NEK1: variants seen among roughly 807,000 people sequenced by gnomAD.
NEK1 encodes NIMA related kinase 1.
NEK1 carries 137 observed loss-of-function variants against 182.1 expected under a neutral mutation model. That is an observed-to-expected ratio of 0.75 (90% CI 0.65 to 0.87). The LOEUF is 0.87. Among genes scored for constraint, NEK1 ranks in the 40% least tolerant of loss-of-function variants. The pLI is 0.00. For synonymous variants in NEK1, 513 were observed against 492.2 expected, an observed-to-expected ratio of 1.04 and a Z score of -0.56; for missense variants, 1,391 against 1,494.4, an observed-to-expected ratio of 0.93 and a Z score of 1.14.
At chr4:169,411,378 G>A (rs1487526200) in intron 31 of NEK1, among the ~76,000 whole-genome samples, 1 of 151,688 alleles carries the variant, frequency 6.6e-6, no homozygotes, top group Non-Finnish European at 1.5e-5. Flanking sequence ...CCAGGCTGGA[G>A]TGCAATGATG....
chr4:169,474,850 C>T (rs1222880677), intron 26 of NEK1, among the ~76,000 whole-genome samples: 1 of 152,108 alleles, frequency 6.6e-6, no homozygotes, highest in Admixed American at 6.6e-5. Context: ...TAACTTCTGC[C>T]TAGATTAGTG....
chr4:169,491,998 T>C (rs975830533), intron 23 of NEK1, among the ~76,000 whole-genome samples: 2 of 152,014 alleles, frequency 1.3e-5, no homozygotes, highest in Non-Finnish European at 2.9e-5. Flanking sequence ...AAAACTACAG[T>C]AGATACACAA....
intron 35 of NEK1, among the ~76,000 whole-genome samples, chr4:169,397,867 T>A (rs1428870141): frequency 1.3e-5 from 2 of 152,228 alleles, no homozygotes; most frequent in Non-Finnish European, 2.9e-5. Context: ...AGATACTTGT[T>A]GAGCAAAACT....
At chr4:169,564,105 A>T (rs547343331) in intron 12 of NEK1, among the ~76,000 whole-genome samples, 2 of 152,242 alleles carry the variant, frequency 1.3e-5, no homozygotes, top group East Asian at 3.9e-4. Context: ...TGTATGATCA[A>T]TTTTTCAAAC....
chr4:169,396,614 G>A (rs188113738), intron 35 of NEK1, among the ~76,000 whole-genome samples: 11 of 152,052 alleles, frequency 7.2e-5, no homozygotes, highest in East Asian at 1.9e-4. Context: ...CTTTATCAAC[G>A]GCTGAAGATA....
chr4:169,400,322 A>G lies in NEK1; in HGVS notation c.3750T>C (p.Ile1250=), dbSNP rs886059225. The change falls in exon 35 of 36, where the codon ATT becomes ATC. Residue 1250 remains isoleucine (I), a synonymous_variant. Transcript: ENST00000507142. ...AAATATTTTGAACTATTTTTGAACA[A>G]ATTTCAATATTTTCATCTTCATCTT... ...IHEDEDENIE[I]CSKIVQNILG... The G allele has an allele frequency of 8.3e-5, 128 of 1,536,420 alleles. No individual in the cohort carries two copies. The highest frequency in any genetic ancestry group is 1.1e-4 in the Non-Finnish European group (124 of 1,135,472).
intron 18 of NEK1, among the ~76,000 whole-genome samples, chr4:169,552,283 A>G (rs2149891200): frequency 6.6e-6 from 1 of 152,192 alleles, no homozygotes; most frequent in South Asian, 2.1e-4. Context: ...CAGCTGTTTC[A>G]ACATCTGAAG....
chr4:169,597,628 C>T (rs1769745777), intron 5 of NEK1, among the ~76,000 whole-genome samples: 1 of 151,600 alleles, frequency 6.6e-6, no homozygotes, highest in Non-Finnish European at 1.5e-5. Context: ...AGAGCGAGAG[C>T]CTATCTTAAA....
chr4:169,609,148 T>TA (rs1771895225), intron 2 of NEK1, among the ~76,000 whole-genome samples: 1 of 151,996 alleles, frequency 6.6e-6, no homozygotes, highest in South Asian at 2.1e-4. Context: ...ACAATTTTTT[T>TA]AAAAAAGCAC....
intron 30 of NEK1, among the ~76,000 whole-genome samples, chr4:169,425,444 A>G (rs74677694): frequency 8.1e-6 from 1 of 123,874 alleles, no homozygotes; most frequent in East Asian, 2.1e-4. Flanking sequence ...AACAAAATGA[A>G]AAAAAAAAAA....
chr4:169,455,775 G>A lies in NEK1; in HGVS notation c.2587+7468C>T, dbSNP rs114462980. Among the ~76,000 whole-genome samples, 1,390 of 151,934 alleles carry A rather than the reference G, an allele frequency of 9.1e-3. 25 individuals carry two copies. Among genetic ancestry groups the A allele is most frequent in the African/African-American group, 0.032 (1,308 of 41,434 alleles). On this transcript the variant is annotated intron_variant, in intron 27 of 35. Coordinates refer to ENST00000507142, the MANE Select transcript of NEK1 (RefSeq NM_001199397.3). ...CTCTAGTCTAGTAGCACTGCCTAGG[G>A]GTCATCACAGCTCTGCAAGGAGCAG...
At chr4:169,599,338 C>T in intron 4 of NEK1, 141 bp from the exon 5 acceptor site, 1 of 585,520 alleles carries the variant, frequency 1.7e-6, no homozygotes. Context: ...GGCACAAAGT[C>T]AAGGTATACC....
Position 169,406,754 on chromosome 4 carries a change from T to G in NEK1, c.3223-7A>C. 1 of 1,569,708 alleles carries G rather than the reference T, an allele frequency of 6.4e-7. No individual in the cohort carries two copies. Among genetic ancestry groups the G allele is most frequent in the East Asian group, 2.3e-5 (1 of 43,284 alleles). ...GTGAACATGTCCTTAACATCTAAAA[T>G]AAAAATCAACAAATTTCTTATTAGG... On this transcript the variant is annotated splice_polypyrimidine_tract_variant and splice_region_variant and intron_variant, in intron 31 of 35. Coordinates refer to ENST00000507142, the MANE Select transcript of NEK1 (RefSeq NM_001199397.3).
chr4:169,545,481 T>C (rs1436704022), intron 18 of NEK1, among the ~76,000 whole-genome samples: 35 of 150,056 alleles, frequency 2.3e-4, no homozygotes, highest in Non-Finnish European at 4.7e-4. Flanking sequence ...TCCAAGTCTT[T>C]GCTATTGTGA....
At chr4:169,573,779 T>A (rs923794154) in intron 12 of NEK1, among the ~76,000 whole-genome samples, 1 of 152,210 alleles carries the variant, frequency 6.6e-6, no homozygotes, top group African/African-American at 2.4e-5. Flanking sequence ...AAAGAGTTGT[T>A]ATTATTGATA....
intron 19 of NEK1, among the ~76,000 whole-genome samples, chr4:169,511,165 CTGT>C (rs2149706264): frequency 6.6e-6 from 1 of 152,254 alleles, no homozygotes; most frequent in Non-Finnish European, 1.5e-5. Flanking sequence ...AAAAGTATTA[CTGT>C]AAGAGCATGC....
At chr4:169,594,587 T>A (rs1481986955) in intron 5 of NEK1, among the ~76,000 whole-genome samples, 1 of 152,252 alleles carries the variant, frequency 6.6e-6, no homozygotes, top group Admixed American at 6.5e-5. Flanking sequence ...ACTGTGAAGA[T>A]CCTTATAATT....
At chr4:169,604,864 A>G (rs1027140807) in intron 2 of NEK1, among the ~76,000 whole-genome samples, 1 of 152,238 alleles carries the variant, frequency 6.6e-6, no homozygotes, top group Non-Finnish European at 1.5e-5. Flanking sequence ...ATAAACCATT[A>G]TTATAGCATT....
rs749160784 is a variant in NEK1 at position 169,394,535 on chromosome 4, A to AG, written c.3848-13dup. On this transcript the variant is annotated splice_polypyrimidine_tract_variant and intron_variant, in intron 35 of 35. Transcript: ENST00000507142. The stretch of plus-strand genomic sequence containing the variant: ...TTATTCATCATTATCTGTAGAAAAA[A>AG]GAAAAAAATTGACTTCATTTCAAAT... 7.9e-6 allele frequency: 11 copies of AG among 1,386,676 alleles called. No homozygotes were observed. Among genetic ancestry groups the AG allele is most frequent in the Non-Finnish European group, 9.9e-6 (10 of 1,009,026 alleles). 85.9% of individuals were successfully genotyped at this position (1,386,676 alleles called of 1,614,324 possible).
Sources: allele counts gnomAD v4.1 joint callset (sites outside exome capture counted in the v4.1 genomes callset), GRCh38; gene constraint gnomAD v4.1.1; transcripts MANE v1.5; gene names NCBI Gene and HGNC (gene_info 2026-07-23, HGNC 2026-07-21).